The following ANTXR1 variants were observed in gnomAD, a reference collection of about 807,000 sequenced individuals.
The protein encoded by ANTXR1 is anthrax toxin receptor 1.
ANTXR1 carries 19 observed loss-of-function variants against 78.1 expected under a neutral mutation model. That is an observed-to-expected ratio of 0.24 (90% CI 0.17 to 0.36). The LOEUF is 0.36. Ranked by LOEUF, ANTXR1 falls within the 10% of genes least tolerant of loss-of-function variation. The pLI is 1.00. For missense variants in ANTXR1, 518 were observed against 718.6 expected (o/e 0.72, Z 3.19); for synonymous variants, 273 against 260.5 (o/e 1.05, Z -0.46).
chr2:69,245,387 A>T lies in ANTXR1; in HGVS notation c.1597A>T (p.Ile533Phe). ...GCCCCCCAGCGCCCCTACCCCTCCCATCCCGTCCCCACCTTCCACCCTTCC... is the reference window on the plus strand; with the variant it reads ...GCCCCCCAGCGCCCCTACCCCTCCCTTCCCGTCCCCACCTTCCACCCTTCC... ...PPPPSAPTPP[I>F]PSPPSTLPPP... Residue 533 changes from isoleucine (I) to phenylalanine (F), a missense_variant, in exon 18 of 18, where the codon ATC becomes TTC. Coordinates refer to ENST00000303714, the MANE Select transcript of ANTXR1 (RefSeq NM_032208.3). 1 of 669,164 alleles carries T rather than the reference A, an allele frequency of 1.5e-6. No individual in the cohort carries two copies. Among genetic ancestry groups the T allele is most frequent in the Non-Finnish European group, 2.1e-6 (1 of 475,264 alleles). The allele number at this position is 669,164 out of a possible 1,614,324, so 41.5% of individuals were successfully genotyped here.
intron 9 of ANTXR1, among the ~76,000 whole-genome samples, chr2:69,095,394 A>C (rs1355908552): frequency 6.6e-6 from 1 of 152,194 alleles, no homozygotes; most frequent in Non-Finnish European, 1.5e-5. Context: ...CATATGTTCA[A>C]ATAAATTACA....
At chr2:69,041,748 G>A (rs1445027218) in intron 2 of ANTXR1, among the ~76,000 whole-genome samples, 1 of 152,200 alleles carries the variant, frequency 6.6e-6, no homozygotes, top group Non-Finnish European at 1.5e-5. Flanking sequence ...ATTGTGGGCA[G>A]GGGCAAGGGA....
At chr2:69,063,322 T>A (rs1670300958) in intron 3 of ANTXR1, among the ~76,000 whole-genome samples, 1 of 151,670 alleles carries the variant, frequency 6.6e-6, no homozygotes, top group Non-Finnish European at 1.5e-5. Context: ...ATTAAAAAAA[T>A]AACTTACTTT....
intron 12 of ANTXR1, among the ~76,000 whole-genome samples, chr2:69,140,995 A>G (rs1213721235): frequency 2.6e-5 from 4 of 152,174 alleles, no homozygotes; most frequent in Admixed American, 2.6e-4. Flanking sequence ...ACCCTCATTT[A>G]TGGTTGATCA....
chr2:69,106,424 G>C (rs1016751278), intron 10 of ANTXR1, among the ~76,000 whole-genome samples: 1 of 152,226 alleles, frequency 6.6e-6, no homozygotes, highest in Admixed American at 6.5e-5. Context: ...AAAAACCTAA[G>C]TAAGAAACAA....
chr2:69,180,716 A>G (rs1674253752), intron 14 of ANTXR1, among the ~76,000 whole-genome samples: 1 of 152,244 alleles, frequency 6.6e-6, no homozygotes, highest in Non-Finnish European at 1.5e-5. Context: ...AGCATGACAA[A>G]CAAAAGCCTC....
chr2:69,230,386 CTTACAGT>C (rs1289562854), intron 17 of ANTXR1, among the ~76,000 whole-genome samples: 1 of 151,828 alleles, frequency 6.6e-6, no homozygotes, highest in Non-Finnish European at 1.5e-5. Context: ...ACCACTTGGC[CTTACAGT>C]TTCATTCATT....
intron 15 of ANTXR1, 50 bp downstream of exon 15, chr2:69,181,931 C>T (rs905372101): frequency 3.8e-6 from 6 of 1,586,820 alleles, no homozygotes; most frequent in East Asian, 4.5e-5. Context: ...CTACTCCCAT[C>T]GAGGTACCAG....
At chr2:69,132,319 G>A (rs964738167) in intron 12 of ANTXR1, among the ~76,000 whole-genome samples, 27 of 152,244 alleles carry the variant, frequency 1.8e-4, no homozygotes, top group African/African-American at 5.8e-4. Flanking sequence ...AGACAGCAGA[G>A]GAGGGCAGTG....
intron 17 of ANTXR1, among the ~76,000 whole-genome samples, chr2:69,222,830 C>A (rs139081375): frequency 6.6e-6 from 1 of 152,212 alleles, no homozygotes; most frequent in African/African-American, 2.4e-5. Context: ...GGTGTATAAA[C>A]CACTTTCGCA....
chr2:69,069,702 T>C (rs1456527863), intron 3 of ANTXR1, among the ~76,000 whole-genome samples: 2 of 152,224 alleles, frequency 1.3e-5, no homozygotes, highest in African/African-American at 4.8e-5. Context: ...TCAGTGGTTA[T>C]TATGAGGGTG....
At chr2:69,052,955 C>G in intron 3 of ANTXR1, among the ~76,000 whole-genome samples, 1 of 152,056 alleles carries the variant, frequency 6.6e-6, no homozygotes, top group East Asian at 1.9e-4. Context: ...CTTTCCTGTT[C>G]CTAAATTTTT....
intron 10 of ANTXR1, among the ~76,000 whole-genome samples, chr2:69,106,620 A>G (rs566283890): frequency 6.6e-6 from 1 of 152,338 alleles, no homozygotes; most frequent in Admixed American, 6.5e-5. Context: ...GAAAATCCAC[A>G]GGTGTAATGA....
chr2:69,081,157 G>C (rs1230159487), intron 8 of ANTXR1, among the ~76,000 whole-genome samples: 2 of 152,210 alleles, frequency 1.3e-5, no homozygotes, highest in Non-Finnish European at 2.9e-5. Flanking sequence ...CCATTTTATA[G>C]ATGAGGAAAC....
intron 16 of ANTXR1, among the ~76,000 whole-genome samples, chr2:69,183,280 A>C (rs1674325106): frequency 6.6e-6 from 1 of 152,110 alleles, no homozygotes; most frequent in African/African-American, 2.4e-5. Flanking sequence ...GTTGTAAGCA[A>C]ATCTTTTTTC....
intron 10 of ANTXR1, among the ~76,000 whole-genome samples, chr2:69,107,488 C>T (rs1671848245): frequency 6.6e-6 from 1 of 152,146 alleles, no homozygotes; most frequent in Non-Finnish European, 1.5e-5. Context: ...TATCTACCCA[C>T]CTCAGCCTCC....
intron 14 of ANTXR1, among the ~76,000 whole-genome samples, chr2:69,177,744 C>T (rs539253947): frequency 8.8e-4 from 134 of 152,272 alleles, no homozygotes; most frequent in Non-Finnish European, 1.7e-3. Context: ...GCAAATTTTA[C>T]TGAAGGTTTA....
chr2:69,023,719 T>G (rs1260125667), intron 1 of ANTXR1, among the ~76,000 whole-genome samples: 1 of 152,156 alleles, frequency 6.6e-6, no homozygotes, highest in African/African-American at 2.4e-5. Context: ...AAGTGCCAAG[T>G]CTCAAGGAGC....
chr2:69,072,379 A>C (rs1053443082), intron 5 of ANTXR1, among the ~76,000 whole-genome samples: 1 of 152,190 alleles, frequency 6.6e-6, no homozygotes, highest in Non-Finnish European at 1.5e-5. Flanking sequence ...TACAGTAGAG[A>C]CTTTCCTCCC....
Sources: gnomAD v4.1 joint callset for allele counts (sites outside exome capture counted in the v4.1 genomes callset) on GRCh38, gnomAD v4.1.1 for gene constraint, MANE v1.5 for transcripts, NCBI Gene and HGNC (gene_info 2026-07-23, HGNC 2026-07-21) for gene names.